The following CACNG3 variants were observed in gnomAD, a reference collection of about 807,000 sequenced individuals.
CACNG3 encodes the protein calcium voltage-gated channel auxiliary subunit gamma 3.
In CACNG3, 3 loss-of-function variants were observed where a neutral mutation model predicts 28.5. That is an observed-to-expected ratio of 0.11 (90% CI 0.05 to 0.27). CACNG3 has a LOEUF of 0.27. CACNG3 is among the 10% of genes least tolerant of loss of function. The pLI is 1.00. For missense variants in CACNG3, 236 were observed against 414.4 expected, an observed-to-expected ratio of 0.57 and a Z score of 3.74; for synonymous variants, 174 against 162.2, an observed-to-expected ratio of 1.07 and a Z score of -0.55.
intron 1 of CACNG3, among the ~76,000 whole-genome samples, chr16:24,304,504 A>C (rs915566517): frequency 6.6e-6 from 1 of 152,144 alleles, no homozygotes; most frequent in African/African-American, 2.4e-5. Flanking sequence ...AGCTTTTCTC[A>C]TGTTCCTTCT....
At chr16:24,337,482 C>A (rs1168376923) in intron 1 of CACNG3, among the ~76,000 whole-genome samples, 1 of 151,976 alleles carries the variant, frequency 6.6e-6, no homozygotes, top group Non-Finnish European at 1.5e-5. Flanking sequence ...ACCTGGGAAG[C>A]ACCACTTTCT....
At chr16:24,300,346 C>A (rs1024521866) in intron 1 of CACNG3, among the ~76,000 whole-genome samples, 4 of 151,884 alleles carry the variant, frequency 2.6e-5, no homozygotes, top group African/African-American at 7.2e-5. Flanking sequence ...GCAGGTTACG[C>A]GTGTGAGAAG....
chr16:24,310,266 T>C (rs1899242569), intron 1 of CACNG3, among the ~76,000 whole-genome samples: 1 of 152,168 alleles, frequency 6.6e-6, no homozygotes. Context: ...AAATAGCTCT[T>C]ATTTAAACAG....
At chr16:24,259,583 G>A (rs1255972952) in intron 1 of CACNG3, among the ~76,000 whole-genome samples, 1 of 152,150 alleles carries the variant, frequency 6.6e-6, no homozygotes, top group Non-Finnish European at 1.5e-5. Context: ...CTTTTTTAAA[G>A]AGCCATGAGA....
intron 1 of CACNG3, among the ~76,000 whole-genome samples, chr16:24,275,426 G>A (rs573846926): frequency 6.6e-6 from 1 of 152,154 alleles, no homozygotes; most frequent in Non-Finnish European, 1.5e-5. Flanking sequence ...CAGACCTTGA[G>A]TGCTAGATTT....
intron 1 of CACNG3, among the ~76,000 whole-genome samples, chr16:24,338,892 T>C (rs1335148127): frequency 3.9e-5 from 6 of 152,224 alleles, no homozygotes. Flanking sequence ...TGAGCTACTT[T>C]GAGTTCCCAA....
At chr16:24,314,536 C>T (rs936344974) in intron 1 of CACNG3, among the ~76,000 whole-genome samples, 1 of 152,152 alleles carries the variant, frequency 6.6e-6, no homozygotes, top group Admixed American at 6.5e-5. Flanking sequence ...ACAGCAGGCT[C>T]TTCTCTAGTC....
intron 1 of CACNG3, among the ~76,000 whole-genome samples, chr16:24,313,215 A>C (rs1899299531): frequency 6.6e-6 from 1 of 152,220 alleles, no homozygotes; most frequent in African/African-American, 2.4e-5. Flanking sequence ...TAAAACATTC[A>C]CTATTCCAAG....
intron 1 of CACNG3, among the ~76,000 whole-genome samples, chr16:24,318,278 A>C (rs945944656): frequency 6.6e-6 from 1 of 151,968 alleles, no homozygotes; most frequent in African/African-American, 2.4e-5. Context: ...TGCAACCTCC[A>C]TCTCCCAGGT....
At chr16:24,284,477 C>A (rs1191925158) in intron 1 of CACNG3, among the ~76,000 whole-genome samples, 1 of 152,066 alleles carries the variant, frequency 6.6e-6, no homozygotes, top group Non-Finnish European at 1.5e-5. Context: ...GCTTATAATT[C>A]ATTTTATTCC....
At chr16:24,352,632 G>C (rs933291690) in intron 2 of CACNG3, among the ~76,000 whole-genome samples, 1 of 151,656 alleles carries the variant, frequency 6.6e-6, no homozygotes. Flanking sequence ...TCTGCCTCCT[G>C]GGCTTAAGTG....
chr16:24,346,341 G>A (rs1441987116), intron 1 of CACNG3, among the ~76,000 whole-genome samples: 3 of 152,196 alleles, frequency 2.0e-5, no homozygotes, highest in Admixed American at 1.3e-4. Context: ...GGAGGCTGAG[G>A]AAGGGAGGAT....
At chr16:24,356,991 C>G (rs1209143537) in intron 3 of CACNG3, among the ~76,000 whole-genome samples, 1 of 152,010 alleles carries the variant, frequency 6.6e-6, no homozygotes, top group Admixed American at 6.6e-5. Flanking sequence ...AATCCCAGCA[C>G]TTTGGAAGGC....
At position 24,315,973 on chromosome 16, in the gene CACNG3, A is replaced by G. The variant is rs567417397; in HGVS notation, c.212-30761A>G. Among the ~76,000 whole-genome samples, 3 of 152,194 alleles carry G rather than the reference A, an allele frequency of 2.0e-5. No homozygotes were observed. In the East Asian group the frequency reaches 5.8e-4, roughly 29 times the overall value. ...TGTGCCCGGCCCATCATCTTAATTAATAACACTTATTGAGCATGTACTATG... is the reference window on the plus strand; with the variant it reads ...TGTGCCCGGCCCATCATCTTAATTAGTAACACTTATTGAGCATGTACTATG... On this transcript the variant is annotated intron_variant, in intron 1 of 3. Transcript: ENST00000005284.
chr16:24,320,855 G>A (rs964132831), intron 1 of CACNG3, among the ~76,000 whole-genome samples: 5 of 151,970 alleles, frequency 3.3e-5, no homozygotes, highest in Admixed American at 3.3e-4. Context: ...TCAGCCTCCC[G>A]ATTAGCTGGG....
intron 1 of CACNG3, among the ~76,000 whole-genome samples, chr16:24,257,565 C>T (rs1898483774): frequency 6.6e-6 from 1 of 152,040 alleles, no homozygotes; most frequent in Admixed American, 6.5e-5. Flanking sequence ...CATATGTAAA[C>T]CCCTACTCCC....
intron 1 of CACNG3, among the ~76,000 whole-genome samples, chr16:24,283,923 C>T (rs73552399): frequency 0.013 from 2,014 of 152,206 alleles, 38 homozygotes; most frequent in African/African-American, 0.046. Flanking sequence ...GATAGGTTTT[C>T]TTTATCATAC....
At chr16:24,344,021 A>C (rs1899824796) in intron 1 of CACNG3, among the ~76,000 whole-genome samples, 1 of 152,154 alleles carries the variant, frequency 6.6e-6, no homozygotes, top group African/African-American at 2.4e-5. Flanking sequence ...CAGAGCAAGC[A>C]GTGAGCCAAG....
intron 1 of CACNG3, among the ~76,000 whole-genome samples, chr16:24,344,623 T>G (rs1899836304): frequency 2.6e-5 from 4 of 152,170 alleles, no homozygotes. Flanking sequence ...GGTCTGTCTT[T>G]TTTCTAAGAA....
Sources: allele counts gnomAD v4.1 joint callset (sites outside exome capture counted in the v4.1 genomes callset), GRCh38; gene constraint gnomAD v4.1.1; transcripts MANE v1.5; gene names NCBI Gene and HGNC (gene_info 2026-07-23, HGNC 2026-07-21).